CADPS: variants seen among roughly 807,000 people sequenced by gnomAD.
CADPS encodes the protein calcium-dependent secretion activator 1.
In CADPS, 57 loss-of-function variants were observed where a neutral mutation model predicts 167.3. That is an observed-to-expected ratio of 0.34 (90% CI 0.28 to 0.42). The LOEUF (loss-of-function observed/expected upper bound fraction) is 0.42. Ranked by LOEUF, CADPS falls within the 20% of genes least tolerant of loss-of-function variation. CADPS has a pLI of 1.00. For missense variants in CADPS, 1,414 were observed against 1,738.1 expected (o/e 0.81, Z 3.32); for synonymous variants, 676 against 635.3 (o/e 1.06, Z -0.96).
chr3:62,769,010 C>A (rs76061683), intron 1 of CADPS, among the ~76,000 whole-genome samples: 2,463 of 152,208 alleles, frequency 0.016, 71 homozygotes, highest in African/African-American at 0.056. Flanking sequence ...ACCGCTAATT[C>A]AACAAGCCTA....
At chr3:62,580,154 C>A (rs987886651) in intron 8 of CADPS, among the ~76,000 whole-genome samples, 1 of 152,254 alleles carries the variant, frequency 6.6e-6, no homozygotes, top group South Asian at 2.1e-4. Flanking sequence ...TACTGTGGCA[C>A]TATTCACAAT....
chr3:62,459,018 A>C (rs1406577577), intron 26 of CADPS, among the ~76,000 whole-genome samples: 2 of 152,224 alleles, frequency 1.3e-5, no homozygotes, highest in Non-Finnish European at 2.9e-5. Flanking sequence ...AACTGGAAAT[A>C]AGGATGTCCT....
intron 1 of CADPS, among the ~76,000 whole-genome samples, chr3:62,803,287 C>T (rs1026781679): frequency 6.7e-6 from 1 of 150,026 alleles, no homozygotes; most frequent in Admixed American, 6.6e-5. Context: ...GCCTGTAAGA[C>T]ATTAAGGTAG....
chr3:62,875,252 A>G lies in CADPS; in HGVS notation c.-223T>C. On this transcript the variant is annotated 5_prime_UTR_variant, in exon 1 of 30. Transcript: ENST00000383710. ...GCGCGAAGGGAGGAGGGGAAGGGAG[A>G]GGTGCGTCCGTGGACTCGAGGTGGG... 2.6e-6 allele frequency: 1 copy of G among 389,794 alleles called. No homozygotes were observed. 24.1% of individuals were successfully genotyped at this position (389,794 alleles called of 1,614,324 possible).
chr3:62,658,636 G>A (rs1220622543), intron 4 of CADPS, among the ~76,000 whole-genome samples: 1 of 152,046 alleles, frequency 6.6e-6, no homozygotes, highest in African/African-American at 2.4e-5. Context: ...GAAAACACTA[G>A]GTAAGTGATA....
At chr3:62,760,493 G>T (rs1208712761) in intron 2 of CADPS, among the ~76,000 whole-genome samples, 1 of 152,062 alleles carries the variant, frequency 6.6e-6, no homozygotes, top group African/African-American at 2.4e-5. Flanking sequence ...GGCCCCAAGA[G>T]GCTGAGGTTC....
In CADPS at chr3:62,646,562, A is replaced by T. The variant is rs148717012; in HGVS notation, c.1204-719T>A. On this transcript the variant is annotated intron_variant, in intron 5 of 29. Transcript: ENST00000383710. Reference sequence around the variant, plus strand: ...TAAATTCACTTTTTGCTTCACAATAAGATAAGTAATAGTGCAAATACTAAA... The same window carrying T: ...TAAATTCACTTTTTGCTTCACAATATGATAAGTAATAGTGCAAATACTAAA... Among the ~76,000 whole-genome samples, 263 of 152,344 alleles carry T rather than the reference A, an allele frequency of 1.7e-3. 1 individual carries two copies. Among genetic ancestry groups the T allele is most frequent in the African/African-American group, 6.1e-3 (252 of 41,576 alleles).
intron 3 of CADPS, among the ~76,000 whole-genome samples, chr3:62,692,260 C>A (rs1416267351): frequency 6.7e-6 from 1 of 149,718 alleles, no homozygotes; most frequent in Non-Finnish European, 1.5e-5. Flanking sequence ...GGATGAAGTG[C>A]CAGTCCCTGC....
At chr3:62,530,802 G>A (rs1196133372) in intron 13 of CADPS, 2 of 1,273,334 alleles carry the variant, frequency 1.6e-6, no homozygotes, top group South Asian at 2.6e-5. Flanking sequence ...AGGTACACAT[G>A]CATTTGTTGA....
At chr3:62,780,271 A>G (rs2091312439) in intron 1 of CADPS, among the ~76,000 whole-genome samples, 2 of 152,318 alleles carry the variant, frequency 1.3e-5, no homozygotes, top group East Asian at 1.9e-4. Context: ...TCAAAAAATT[A>G]GCCAGGCATA....
At chr3:62,830,398 C>G (rs997513484) in intron 1 of CADPS, among the ~76,000 whole-genome samples, 1 of 152,216 alleles carries the variant, frequency 6.6e-6, no homozygotes, top group South Asian at 2.1e-4. Flanking sequence ...ACTTTAATAG[C>G]AATCAGCTGC....
chr3:62,747,849 T>C (rs2081820047), intron 3 of CADPS, among the ~76,000 whole-genome samples: 2 of 152,022 alleles, frequency 1.3e-5, no homozygotes, highest in Non-Finnish European at 2.9e-5. Context: ...AAGTTTAGAG[T>C]CATGCTGCAC....
intron 1 of CADPS, among the ~76,000 whole-genome samples, chr3:62,819,407 C>CCTGTGT (rs758192103): frequency 1.9e-4 from 28 of 143,986 alleles, no homozygotes; most frequent in African/African-American, 5.9e-4. Flanking sequence ...AATCTGTGTG[C>CCTGTGT]GTGTGTGTGT....
intron 3 of CADPS, among the ~76,000 whole-genome samples, chr3:62,698,516 AG>A (rs2080771819): frequency 6.6e-6 from 1 of 152,052 alleles, no homozygotes; most frequent in Non-Finnish European, 1.5e-5. Flanking sequence ...CAGCTGGTCC[AG>A]GCACACCAAT....
chr3:62,429,308 G>C (rs571983566), intron 28 of CADPS, among the ~76,000 whole-genome samples: 13 of 152,194 alleles, frequency 8.5e-5, no homozygotes, highest in African/African-American at 3.1e-4. Context: ...CTGGGGTTAG[G>C]GCTGAGACTA....
chr3:62,667,450 TGA>T (rs1219001722), intron 3 of CADPS, among the ~76,000 whole-genome samples: 2 of 152,102 alleles, frequency 1.3e-5, no homozygotes, highest in Non-Finnish European at 2.9e-5. Context: ...TCCCTTCATC[TGA>T]GAGAAATGAC....
chr3:62,581,449 T>TTAA (rs757161815), intron 8 of CADPS, among the ~76,000 whole-genome samples: 8 of 121,522 alleles, frequency 6.6e-5, no homozygotes, highest in African/African-American at 2.1e-4. Flanking sequence ...GTTAGAAAAT[T>TTAA]AAAAAAAAAA....
At chr3:62,773,361 T>G (rs1335307180) in intron 1 of CADPS, among the ~76,000 whole-genome samples, 1 of 152,140 alleles carries the variant, frequency 6.6e-6, no homozygotes, top group East Asian at 1.9e-4. Flanking sequence ...AAAAGGCATT[T>G]TAAGTGACTT....
intron 2 of CADPS, among the ~76,000 whole-genome samples, chr3:62,762,909 T>C (rs2085861064): frequency 6.6e-6 from 1 of 152,152 alleles, no homozygotes; most frequent in Admixed American, 6.5e-5. Context: ...TTTTTAACGT[T>C]ATTGCTGTTG....
Sources: allele counts gnomAD v4.1 joint callset (sites outside exome capture counted in the v4.1 genomes callset), GRCh38; gene constraint gnomAD v4.1.1; transcripts MANE v1.5; gene names NCBI Gene and HGNC (gene_info 2026-07-23, HGNC 2026-07-21).